CSNK1G3: variants seen among roughly 807,000 people sequenced by gnomAD.
CSNK1G3 encodes the protein casein kinase I isoform gamma-3.
In CSNK1G3, 23 loss-of-function variants were observed where a neutral mutation model predicts 64.3. That is an observed-to-expected ratio of 0.36 (90% CI 0.26 to 0.51). CSNK1G3 has a LOEUF of 0.51. CSNK1G3 is among the 20% of genes least tolerant of loss of function. The probability of loss-of-function intolerance (pLI) is 0.96; values close to 1 mark genes in which losing one functional copy is unlikely to be tolerated. For synonymous variants in CSNK1G3, 158 were observed against 162.2 expected (o/e 0.97, Z 0.20); for missense variants, 357 against 510.5 (o/e 0.70, Z 2.90).
chr5:123,573,902 A>T, intron 5 of CSNK1G3, among the ~76,000 whole-genome samples: 1 of 144,710 alleles, frequency 6.9e-6, no homozygotes. Context: ...CAGGGCGGAG[A>T]GCGGTGGCGA....
In CSNK1G3 at chr5:123,590,457, G is replaced by T; in HGVS notation, c.889G>T (p.Glu297Ter). 1 of 1,518,450 alleles carries T rather than the reference G, an allele frequency of 6.6e-7. No homozygotes were observed. The highest frequency in any genetic ancestry group is 8.8e-7 in the Non-Finnish European group (1 of 1,136,100). 94.1% of individuals were successfully genotyped at this position (1,518,450 alleles called of 1,614,324 possible). The change falls in exon 9 of 13, where the codon GAA becomes TAA. Residue 297 changes from glutamate to a stop codon, truncating the protein, a stop_gained. Coordinates refer to ENST00000345990, the Ensembl canonical transcript of CSNK1G3. LOFTEE classifies it high-confidence loss of function. ...TTATGTAAGAAGGCTAGATTTTTTT[G>T]AAAAACCAGACTATGACTACTTAAG...
At chr5:123,566,910 T>C (rs1340563205) in intron 4 of CSNK1G3, among the ~76,000 whole-genome samples, 6 of 152,202 alleles carry the variant, frequency 3.9e-5, no homozygotes, top group East Asian at 1.9e-4. Context: ...TTTTTTCTTA[T>C]GTTATCTTTT....
chr5:123,604,422 A>G (rs546182869), intron 10 of CSNK1G3, among the ~76,000 whole-genome samples: 3 of 152,228 alleles, frequency 2.0e-5, no homozygotes, highest in Non-Finnish European at 2.9e-5. Flanking sequence ...TGATTGAGAC[A>G]TACATGCAGG....
chr5:123,522,278 C>T (rs1457420571), intron 1 of CSNK1G3, among the ~76,000 whole-genome samples: 3 of 151,898 alleles, frequency 2.0e-5, no homozygotes, highest in African/African-American at 4.8e-5. Flanking sequence ...CAGAGGCAGG[C>T]GGATCACGAG....
intron 4 of CSNK1G3, among the ~76,000 whole-genome samples, chr5:123,568,401 T>C (rs1202746198): frequency 1.3e-5 from 2 of 152,300 alleles, no homozygotes; most frequent in African/African-American, 4.8e-5. Flanking sequence ...ATCCACTCTT[T>C]GTCTCACATC....
chr5:123,526,891 AT>A (rs1266254669), intron 1 of CSNK1G3, among the ~76,000 whole-genome samples: 14 of 125,178 alleles, frequency 1.1e-4, no homozygotes, highest in East Asian at 4.4e-4. Flanking sequence ...TATGAACATA[AT>A]TTTTTTTTCC....
intron 6 of CSNK1G3, among the ~76,000 whole-genome samples, chr5:123,586,312 G>T (rs568778769): frequency 6.6e-6 from 1 of 152,134 alleles, no homozygotes; most frequent in African/African-American, 2.4e-5. Context: ...CATTAGAAAT[G>T]CCTCTTGATT....
chr5:123,583,820 C>T (rs1010930797), intron 6 of CSNK1G3, among the ~76,000 whole-genome samples: 6 of 152,014 alleles, frequency 3.9e-5, no homozygotes, highest in Non-Finnish European at 8.8e-5. Flanking sequence ...ACTGGGACTA[C>T]AGGTGCATGC....
chr5:123,579,922 T>C (rs1281755433), intron 6 of CSNK1G3, among the ~76,000 whole-genome samples: 1 of 151,994 alleles, frequency 6.6e-6, no homozygotes, highest in African/African-American at 2.4e-5. Context: ...TTTCTAAGAT[T>C]ACATGAATTC....
chr5:123,553,268 T>C (rs1012845138), intron 3 of CSNK1G3, 121 bp downstream of exon 3: 65 of 460,892 alleles, frequency 1.4e-4, no homozygotes, highest in African/African-American at 7.2e-4. Flanking sequence ...TTGACAGTTA[T>C]ATGCATAGCT....
intron 10 of CSNK1G3, among the ~76,000 whole-genome samples, chr5:123,602,774 G>T (rs1794716063): frequency 6.6e-6 from 1 of 152,100 alleles, no homozygotes; most frequent in Admixed American, 6.6e-5. Flanking sequence ...TAGGCCCAGG[G>T]AGTCCTTTAC....
At chr5:123,538,462 T>A (rs1437184833) in intron 1 of CSNK1G3, among the ~76,000 whole-genome samples, 1 of 152,186 alleles carries the variant, frequency 6.6e-6, no homozygotes, top group Non-Finnish European at 1.5e-5. Flanking sequence ...TTGTGGCAAT[T>A]TGTATATATT....
At chr5:123,545,950 T>A in intron 2 of CSNK1G3, 109 bp downstream of exon 2, 1 of 962,468 alleles carries the variant, frequency 1.0e-6, no homozygotes. Flanking sequence ...TTAATGGTTG[T>A]GGTAATTTTA....
chr5:123,544,293 A>G (rs1164236745), intron 1 of CSNK1G3, among the ~76,000 whole-genome samples: 5 of 152,090 alleles, frequency 3.3e-5, no homozygotes, highest in African/African-American at 7.2e-5. Flanking sequence ...ACTTTTTCTA[A>G]TAAGCCTGCC....
intron 1 of CSNK1G3, among the ~76,000 whole-genome samples, chr5:123,519,930 A>G (rs1372893909): frequency 6.6e-6 from 1 of 152,248 alleles, no homozygotes; most frequent in Non-Finnish European, 1.5e-5. Flanking sequence ...GTGGGCTACC[A>G]ATGTAAATCA....
intron 10 of CSNK1G3, among the ~76,000 whole-genome samples, chr5:123,599,362 C>G (rs564713398): frequency 6.6e-6 from 1 of 152,220 alleles, no homozygotes; most frequent in South Asian, 2.1e-4. Context: ...ACAAATGGTG[C>G]AGATATGTTG....
intron 3 of CSNK1G3, among the ~76,000 whole-genome samples, chr5:123,554,751 A>G (rs1435786773): frequency 1.3e-5 from 2 of 152,202 alleles, no homozygotes; most frequent in African/African-American, 4.8e-5. Flanking sequence ...AAAGTGTGGC[A>G]GTGTTTACAG....
intron 6 of CSNK1G3, among the ~76,000 whole-genome samples, chr5:123,578,211 A>G (rs1434540625): frequency 6.6e-6 from 1 of 151,840 alleles, no homozygotes; most frequent in Non-Finnish European, 1.5e-5. Flanking sequence ...TATGGCAGGT[A>G]TTATTTAACT....
chr5:123,516,199 C>G, intron 1 of CSNK1G3, among the ~76,000 whole-genome samples: 1 of 152,036 alleles, frequency 6.6e-6, no homozygotes, highest in Non-Finnish European at 1.5e-5. Flanking sequence ...TTGTGGGATC[C>G]TGTAGGTGCA....
Sources: gnomAD v4.1 joint callset for allele counts (sites outside exome capture counted in the v4.1 genomes callset) on GRCh38, gnomAD v4.1.1 for gene constraint, MANE v1.5 for transcripts, NCBI Gene and HGNC (gene_info 2026-07-23, HGNC 2026-07-21) for gene names.